The following AKNA variants were observed in gnomAD, a reference collection of about 807,000 sequenced individuals.
The protein encoded by AKNA is microtubule organization protein AKNA.
A neutral mutation model predicts 138.8 loss-of-function variants in AKNA; 67 were observed. The observed-to-expected ratio is 0.48, with a 90% CI of 0.40 to 0.59. The LOEUF (loss-of-function observed/expected upper bound fraction) is 0.59, where lower values mean the gene tolerates loss of function less well. Among genes scored for constraint, AKNA ranks in the 20% least tolerant of loss-of-function variants. The probability of loss-of-function intolerance (pLI) is 0.00; values close to 1 mark genes in which losing one functional copy is unlikely to be tolerated. For synonymous variants in AKNA, 737 were observed against 754.4 expected (o/e 0.98, Z 0.38); for missense variants, 1,813 against 1,880.4 (o/e 0.96, Z 0.66).
At chr9:114,356,997 T>G in intron 12 of AKNA, 28 bp from the exon 13 acceptor site, 1 of 1,565,690 alleles carries the variant, frequency 6.4e-7, no homozygotes, top group Non-Finnish European at 8.6e-7. Flanking sequence ...CCTTTATGTC[T>G]GAGGAATGTG....
Position 114,368,505 on chromosome 9 carries a change from G to A in AKNA, c.1507C>T (p.Pro503Ser). 2 of 1,371,106 alleles carry A rather than the reference G, an allele frequency of 1.5e-6. No homozygotes were observed. Among genetic ancestry groups the A allele is most frequent in the Non-Finnish European group, 9.5e-7 (1 of 1,053,040 alleles). 84.9% of individuals were successfully genotyped at this position (1,371,106 alleles called of 1,614,324 possible). A position where few individuals can be genotyped will look rare whatever the true frequency, so the allele number is the denominator to read the frequency against. Residue 503 changes from proline to serine, a missense_variant, in exon 5 of 22, where the codon CCA becomes TCA. Coordinates refer to ENST00000374088, the MANE Select transcript of AKNA (RefSeq NM_001317950.2). ...CACCACTCTGCAGAGCGGGGCTGTG[G>A]GATGGTGAAGGACAAGACCTTGGTC... ...QGTKVLSFTI[P>S]QPRSAEWWPG...
chr9:114,362,045 G>A, intron 8 of AKNA, 134 bp from the exon 9 acceptor site: 3 of 922,430 alleles, frequency 3.3e-6, no homozygotes, highest in Non-Finnish European at 4.8e-6. Flanking sequence ...TTTAGATGAT[G>A]GTGAGAACTC....
rs750708829 is a variant in AKNA, at chr9:114,350,922, G to A, written c.3158C>T (p.Ala1053Val). 1.4e-5 allele frequency: 23 copies of A among 1,610,270 alleles called. No homozygotes were observed. Among genetic ancestry groups the A allele is most frequent in the East Asian group, 4.5e-5 (2 of 44,836 alleles). Residue 1053 changes from alanine to valine, a missense_variant, in exon 15 of 22, where the codon GCG (alanine) becomes GTG (valine). Ala to Val is a moderately conservative substitution (Grantham distance 64). Coordinates refer to ENST00000374088, the MANE Select transcript of AKNA (RefSeq NM_001317950.2). ...SPPPAPAPAA[A>V]PLPCGPTETI... ...CTCTGTTGGTCCACAGGGTAGAGGC[G>A]CAGCGGCAGGGGCGGGGGCTGGGGG... is the stretch of plus-strand genomic sequence containing the variant.
At chr9:114,332,186 G>C (rs1204722753), downstream of AKNA, among the ~76,000 whole-genome samples, 1 of 151,882 alleles carries the variant, frequency 6.6e-6, no homozygotes, top group Non-Finnish European at 1.5e-5. Flanking sequence ...TGAGCCACGG[G>C]GTTGGGGGAT....
At chr9:114,360,368 G>A (rs906074412) in intron 9 of AKNA, among the ~76,000 whole-genome samples, 4 of 152,122 alleles carry the variant, frequency 2.6e-5, no homozygotes, top group Non-Finnish European at 2.9e-5. Flanking sequence ...ACGCTCAAAT[G>A]ATTTGCCCAA....
At chr9:114,368,310 G>T (rs982518612) in intron 5 of AKNA, 129 bp downstream of exon 5, 3 of 1,073,438 alleles carry the variant, frequency 2.8e-6, no homozygotes, top group Non-Finnish European at 3.7e-6. Flanking sequence ...AGTGCCCAGG[G>T]TGGGGCCTTG....
intron 12 of AKNA, 84 bp from the exon 13 acceptor site, chr9:114,357,053 A>C: frequency 7.9e-7 from 1 of 1,258,282 alleles, no homozygotes; most frequent in East Asian, 2.8e-5. Flanking sequence ...GCCTGGCCTC[A>C]CCTCCCAGAG....
chr9:114,353,261 G>A (rs201316004), intron 14 of AKNA, among the ~76,000 whole-genome samples: 1 of 147,598 alleles, frequency 6.8e-6, no homozygotes, highest in Non-Finnish European at 1.5e-5. Context: ...CTTATTTTTT[G>A]TTTTTTTTTT....
chr9:114,349,300 T>G (rs1356305414), intron 15 of AKNA, among the ~76,000 whole-genome samples: 1 of 152,246 alleles, frequency 6.6e-6, no homozygotes, highest in Non-Finnish European at 1.5e-5. Context: ...CATCTTTCTC[T>G]GCAAACTTAC....
intron 14 of AKNA, among the ~76,000 whole-genome samples, chr9:114,351,742 G>A (rs770017535): frequency 6.6e-6 from 1 of 151,994 alleles, no homozygotes; most frequent in African/African-American, 2.4e-5. Flanking sequence ...GAAGCAGGAG[G>A]ATCGCTTGGG....
chr9:114,396,801 C>T (rs1834548667), upstream of AKNA: 1 of 152,232 alleles, frequency 6.6e-6, no homozygotes. Context: ...TCTTCTTACT[C>T]CTGGTCTCCA....
chr9:114,372,219 T>C (rs887522135), intron 4 of AKNA, among the ~76,000 whole-genome samples: 6 of 152,132 alleles, frequency 3.9e-5, no homozygotes, highest in African/African-American at 1.4e-4. Context: ...CAATCATTTT[T>C]CCAGAAAGCG....
intron 13 of AKNA, 122 bp from the exon 14 acceptor site, chr9:114,356,258 C>A: frequency 4.6e-6 from 4 of 873,512 alleles, no homozygotes; most frequent in Non-Finnish European, 6.9e-6. Context: ...CTTTGCATCT[C>A]GGGTGGTACA....
intron 4 of AKNA, among the ~76,000 whole-genome samples, chr9:114,373,885 CAAAAAAA>C (rs758805914): frequency 2.5e-5 from 2 of 79,008 alleles, no homozygotes; most frequent in Non-Finnish European, 2.3e-5. Context: ...GACCCTGACT[CAAAAAAA>C]AAAAAAAAAA....
rs558347748 is a variant in AKNA at position 114,372,964 on chromosome 9, CGG to C, written c.1416+1127_1416+1128del. On this transcript the variant is annotated intron_variant, in intron 4 of 21. Coordinates refer to ENST00000374088, the MANE Select transcript of AKNA (RefSeq NM_001317950.2). Reference sequence around the variant, plus strand: ...CCAGGCAGCAGGTGTGGGGACGCAGCGGGGGGGGGGGGGGTCCTGGTCCTAGA... The same window carrying C: ...CCAGGCAGCAGGTGTGGGGACGCAGCGGGGGGGGGGGGTCCTGGTCCTAGA... 9.6e-3 allele frequency among the ~76,000 whole-genome samples: 251 copies of C among 26,176 alleles called. 18 individuals carry two copies. Among genetic ancestry groups the C allele is most frequent in the African/African-American group, 0.029 (221 of 7,516 alleles). 17.2% of individuals were successfully genotyped at this position (26,176 alleles called of 152,430 possible).
At chr9:114,382,257 G>A (rs1430694170) in intron 1 of AKNA, among the ~76,000 whole-genome samples, 1 of 152,170 alleles carries the variant, frequency 6.6e-6, no homozygotes, top group African/African-American at 2.4e-5. Context: ...GACCTCACTG[G>A]GGTAAGAATT....
chr9:114,390,900 A>T (rs1434876689), upstream of AKNA, among the ~76,000 whole-genome samples: 13 of 152,224 alleles, frequency 8.5e-5, no homozygotes, highest in Admixed American at 8.5e-4. Context: ...ATTTGGAACT[A>T]TATTTCATAT....
chr9:114,371,858 C>T (rs538973449), intron 4 of AKNA, among the ~76,000 whole-genome samples: 1 of 152,174 alleles, frequency 6.6e-6, no homozygotes, highest in South Asian at 2.1e-4. Flanking sequence ...TGAGGACTGC[C>T]TCTGAACTCG....
intron 15 of AKNA, chr9:114,348,763 AC>A (rs1830886392): frequency 2.3e-6 from 1 of 426,226 alleles, no homozygotes. Context: ...TCCCCACAAG[AC>A]CCCCTCAACC....
Sources: allele counts gnomAD v4.1 joint callset (sites outside exome capture counted in the v4.1 genomes callset), GRCh38; gene constraint gnomAD v4.1.1; transcripts MANE v1.5; gene names NCBI Gene and HGNC (gene_info 2026-07-23, HGNC 2026-07-21).